PTPN7: variants seen among roughly 807,000 people sequenced by gnomAD.
PTPN7 encodes tyrosine-protein phosphatase non-receptor type 7.
In PTPN7, 33 loss-of-function variants were observed where a neutral mutation model predicts 50.3. That is an observed-to-expected ratio of 0.66 (90% CI 0.50 to 0.88). The LOEUF is 0.88. PTPN7 is among the 40% of genes least tolerant of loss of function. The pLI, the probability that PTPN7 is intolerant of heterozygous loss-of-function variation, is 0.00. For synonymous variants in PTPN7, 185 were observed against 186.6 expected, an observed-to-expected ratio of 0.99 and a Z score of 0.07; for missense variants, 412 against 475.4, an observed-to-expected ratio of 0.87 and a Z score of 1.24.
At position 202,153,780 on chromosome 1, in the gene PTPN7, C is replaced by T. The variant is rs752710810; in HGVS notation, c.662G>A (p.Arg221His). Residue 221 changes from arginine to histidine, a missense_variant, in exon 7 of 10, where the codon CGC becomes CAC. By Grantham distance (29) the Arg-to-His change is conservative. Transcript: ENST00000691036. ...TGGGCACTCTTTCATGTCCTGGATG[C>T]GGATCTGGAAGGGTCCATAGGTTTC... Reference protein sequence around the residue: ...EEETYGPFQIRIQDMKECPEY... With the variant: ...EEETYGPFQIHIQDMKECPEY... The T allele has an allele frequency of 2.8e-5, 45 of 1,613,938 alleles. No individual in the cohort carries two copies. The highest frequency in any genetic ancestry group is 2.7e-4 in the East Asian group (12 of 44,900).
rs1427983364 is a variant in PTPN7 at position 202,160,376 on chromosome 1, G to A, written c.-53+169C>T. Among the ~76,000 whole-genome samples the A allele has an allele frequency of 1.3e-5, 2 of 152,028 alleles. No homozygotes were observed. Among genetic ancestry groups the A allele is most frequent in the African/African-American group, 4.8e-5 (2 of 41,380 alleles). ...CCTTGTAGCTCCCTGTGGCTTCCCTGCTCACCCCCGTCTTGGGGACATCAG... is the reference window on the plus strand; with the variant it reads ...CCTTGTAGCTCCCTGTGGCTTCCCTACTCACCCCCGTCTTGGGGACATCAG... On this transcript the variant is annotated intron_variant, in intron 1 of 9. Transcript: ENST00000691036. This position sits in a 1 kb window ranked among gnomAD's most constrained non-coding sequence, Gnocchi z 4.8.
At chr1:202,161,537 G>A (rs1045917778), upstream of PTPN7, 40 of 1,288,616 alleles carry the variant, frequency 3.1e-5, no homozygotes, top group Non-Finnish European at 3.7e-5. Context: ...GGCTCCTTGC[G>A]GGCCAGCAGC....
rs1235245402 is a variant in PTPN7, at chr1:202,148,385, G to A, written c.*221C>T. The A allele has an allele frequency of 2.1e-6, 1 of 470,372 alleles. No homozygotes were observed. Among genetic ancestry groups the A allele is most frequent in the Admixed American group, 3.7e-5 (1 of 26,800 alleles). The allele number at this position is 470,372 out of a possible 1,614,324, so 29.1% of individuals were successfully genotyped here. On this transcript the variant is annotated 3_prime_UTR_variant, in exon 10 of 10. Transcript: ENST00000691036. ...AGGTTCCCCTTACTGTCCATCTGGGGCCAACAGAGGAAGCAGAGGAGTGGC... is the reference window on the plus strand; with the variant it reads ...AGGTTCCCCTTACTGTCCATCTGGGACCAACAGAGGAAGCAGAGGAGTGGC...
chr1:202,148,822 T>A, intron 9 of PTPN7, 123 bp from the exon 10 acceptor site: 1 of 494,918 alleles, frequency 2.0e-6, no homozygotes, highest in Non-Finnish European at 3.5e-6. Context: ...ACATGCCAAC[T>A]CCTTTGCCTA....
chr1:202,149,501 AAAG>A (rs1344773666), intron 9 of PTPN7, among the ~76,000 whole-genome samples: 1 of 152,232 alleles, frequency 6.6e-6, no homozygotes, highest in African/African-American at 2.4e-5. Flanking sequence ...CTGTCTAGAT[AAAG>A]AAGAAGTGGG....
chr1:202,160,065 G>T lies in PTPN7; in HGVS notation c.-53+480C>A. ...CCTCCTGCCCATCCCCCCGTCTCCC[G>T]CCTCTGTAACCGTCACAGGAAATGG... On this transcript the variant is annotated intron_variant, in intron 1 of 9. Coordinates refer to ENST00000691036, the MANE Select transcript of PTPN7 (RefSeq NM_002832.4). The surrounding 1 kb of genome is among the most constrained non-coding windows in gnomAD (Gnocchi z 4.8). 1 of 842,914 alleles carries T rather than the reference G, an allele frequency of 1.2e-6. No homozygotes were observed. Among genetic ancestry groups the T allele is most frequent in the Non-Finnish European group, 1.4e-6 (1 of 696,674 alleles). 52.2% of individuals were successfully genotyped at this position (842,914 alleles called of 1,614,324 possible). A position where few individuals can be genotyped will look rare whatever the true frequency, so the allele number is the denominator to read the frequency against.
chr1:202,158,786 C>CTAT (rs1428241154), intron 2 of PTPN7: 1 of 139,040 alleles, frequency 7.2e-6, no homozygotes, highest in Non-Finnish European at 1.6e-5. Flanking sequence ...TGTGTGCCCT[C>CTAT]TTTTTTTTTT....
Position 202,159,200 on chromosome 1 carries a change from C to G in PTPN7, c.122+81G>C, listed in dbSNP as rs1657039638. On this transcript the variant is annotated intron_variant, in intron 2 of 9. Coordinates refer to ENST00000691036, the MANE Select transcript of PTPN7 (RefSeq NM_002832.4). The surrounding 1 kb of genome is among the most constrained non-coding windows in gnomAD (Gnocchi z 4.6). ...GGCCCTCTGGACCCTGCTGTCAGAG[C>G]TGGAGGGGCAGATGGAAGGAAGGGA... The G allele has an allele frequency of 7.0e-7, 1 of 1,423,994 alleles. No homozygotes were observed. The highest frequency in any genetic ancestry group is 1.4e-5 in the African/African-American group (1 of 71,110). 88.2% of individuals were successfully genotyped at this position (1,423,994 alleles called of 1,614,324 possible). A position where few individuals can be genotyped will look rare whatever the true frequency, so the allele number is the denominator to read the frequency against.
chr1:202,161,580 T>C, upstream of PTPN7: 1 of 1,269,896 alleles, frequency 7.9e-7, no homozygotes, highest in South Asian at 1.3e-5. Context: ...ACGCCTCCTT[T>C]TACCTTGTAA....
At chr1:202,150,141 A>C in intron 9 of PTPN7, 170 bp downstream of exon 9, 3 of 595,996 alleles carry the variant, frequency 5.0e-6, no homozygotes, top group Non-Finnish European at 9.0e-6. Flanking sequence ...CCATCCAGAT[A>C]GATATTTTTT....
At position 202,148,248 on chromosome 1, in the gene PTPN7, A is replaced by C. The variant is rs1018626497; in HGVS notation, c.*358T>G. 10 of 190,990 alleles carry C rather than the reference A, an allele frequency of 5.2e-5. No homozygotes were observed. Among genetic ancestry groups the C allele is most frequent in the Non-Finnish European group, 7.5e-5 (7 of 93,774 alleles). The allele number at this position is 190,990 out of a possible 1,614,324, so 11.8% of individuals were successfully genotyped here. ...TAAGCACTTATGTTCATGTTATAGA[A>C]CAGGAAACTGAAGCTCACAAAGAGT... On this transcript the variant is annotated 3_prime_UTR_variant, in exon 10 of 10. Coordinates refer to ENST00000691036, the MANE Select transcript of PTPN7 (RefSeq NM_002832.4).
chr1:202,149,292 C>A (rs1037895450), intron 9 of PTPN7, among the ~76,000 whole-genome samples: 1 of 152,168 alleles, frequency 6.6e-6, no homozygotes, highest in Admixed American at 6.5e-5. Context: ...CCACTCAGCT[C>A]CTGGGACAAA....
At chr1:202,156,249 T>C (rs12076736) in intron 4 of PTPN7, among the ~76,000 whole-genome samples, 4,068 of 152,240 alleles carry the variant, frequency 0.027, 103 homozygotes, top group African/African-American at 0.056. Context: ...CAATATTAGA[T>C]ATAATATTCT....
chr1:202,161,209 G>C, upstream of PTPN7: 1 of 1,112,964 alleles, frequency 9.0e-7, no homozygotes, highest in Non-Finnish European at 1.1e-6. Context: ...CAAAAAGGTC[G>C]TCTCCACGCC....
intron 7 of PTPN7, among the ~76,000 whole-genome samples, chr1:202,153,198 G>A (rs116467900): frequency 0.022 from 3,312 of 151,962 alleles, 124 homozygotes; most frequent in African/African-American, 0.075. Context: ...GTCTCACTCC[G>A]TCACCCAGGC....
Position 202,148,122 on chromosome 1 carries a change from G to A in PTPN7, c.*484C>T, listed in dbSNP as rs950545309. The A allele has an allele frequency of 2.0e-5, 3 of 152,606 alleles. No homozygotes were observed. Among genetic ancestry groups the A allele is most frequent in the East Asian group, 1.9e-4 (1 of 5,202 alleles). The allele number at this position is 152,606 out of a possible 1,614,324, so 9.5% of individuals were successfully genotyped here. A position where few individuals can be genotyped will look rare whatever the true frequency, so the allele number is the denominator to read the frequency against. On this transcript the variant is annotated 3_prime_UTR_variant, in exon 10 of 10. Transcript: ENST00000691036. The stretch of plus-strand genomic sequence containing the variant: ...CTGGCCTGTGCTTGGGCAGGACCTC[G>A]GGTGAAGGATGATCTTGGAATCACC...
intron 5 of PTPN7, 68 bp downstream of exon 5, chr1:202,155,465 T>C: frequency 6.9e-7 from 1 of 1,446,404 alleles, no homozygotes; most frequent in South Asian, 1.2e-5. Context: ...CAGCCATGGC[T>C]GGAAGATATT....
intron 9 of PTPN7, among the ~76,000 whole-genome samples, chr1:202,149,513 G>T (rs1571733619): frequency 6.6e-6 from 1 of 152,158 alleles, no homozygotes; most frequent in East Asian, 1.9e-4. Context: ...AGAAGAAGTG[G>T]GGGCTGGGCA....
Position 202,159,901 on chromosome 1 carries a change from G to T in PTPN7, c.-52-447C>A. 1 of 1,016,430 alleles carries T rather than the reference G, an allele frequency of 9.8e-7. No homozygotes were observed. Among genetic ancestry groups the T allele is most frequent in the Non-Finnish European group, 1.2e-6 (1 of 849,822 alleles). The allele number at this position is 1,016,430 out of a possible 1,614,324, so 63.0% of individuals were successfully genotyped here. On this transcript the variant is annotated intron_variant, in intron 1 of 9. Coordinates refer to ENST00000691036, the MANE Select transcript of PTPN7 (RefSeq NM_002832.4). The surrounding 1 kb of genome is among the most constrained non-coding windows in gnomAD (Gnocchi z 4.6). ...AGAATGGAGGCCTCCAGCAGTGTTG[G>T]AGCTGGTTGGGCAGCCAGGCAGGCG...
Sources: gnomAD v4.1 joint callset for allele counts (sites outside exome capture counted in the v4.1 genomes callset) on GRCh38, gnomAD v4.1.1 for gene constraint, Gnocchi (gnomAD v3.1) non-coding constraint, MANE v1.5 for transcripts, NCBI Gene and HGNC (gene_info 2026-07-23, HGNC 2026-07-21) for gene names.